ARHGEF7: variants seen among roughly 807,000 people sequenced by gnomAD.
ARHGEF7 encodes the protein PAK-interacting exchange factor beta.
In ARHGEF7, 33 loss-of-function variants were observed where a neutral mutation model predicts 109.8. The observed-to-expected ratio is 0.30, with a 90% CI of 0.23 to 0.40. The LOEUF (loss-of-function observed/expected upper bound fraction) is 0.40. ARHGEF7 is among the 10% of genes least tolerant of loss of function. ARHGEF7 has a pLI of 1.00. For missense variants in ARHGEF7, 938 were observed against 1,098.5 expected (o/e 0.85, Z 2.07); for synonymous variants, 458 against 424.6 (o/e 1.08, Z -0.97).
intron 2 of ARHGEF7, chr13:111,182,538 G>C (rs982972540): frequency 6.6e-6 from 1 of 152,320 alleles, no homozygotes; most frequent in African/African-American, 2.4e-5. Context: ...ATGGTGTCAT[G>C]CCCAGGGGTG....
chr13:111,197,239 A>G (rs1287884348), intron 2 of ARHGEF7, among the ~76,000 whole-genome samples: 1 of 151,662 alleles, frequency 6.6e-6, no homozygotes, highest in Non-Finnish European at 1.5e-5. Context: ...ACGCAGCAGC[A>G]GAAACACCTC....
intron 2 of ARHGEF7, among the ~76,000 whole-genome samples, chr13:111,200,984 G>A (rs1340654401): frequency 6.6e-6 from 1 of 152,048 alleles, no homozygotes; most frequent in Non-Finnish European, 1.5e-5. Flanking sequence ...GGCTCGGGGG[G>A]GATTTCCCTC....
intron 19 of ARHGEF7, among the ~76,000 whole-genome samples, chr13:111,297,460 T>G (rs1395158301): frequency 6.6e-6 from 1 of 152,246 alleles, no homozygotes; most frequent in African/African-American, 2.4e-5. Flanking sequence ...GCACATACAG[T>G]AACCGTACCA....
At position 111,163,361 on chromosome 13, in the gene ARHGEF7, T is replaced by C. The variant is rs930703969; in HGVS notation, c.252+9370T>C. ...TGTCTTGCTGGGTGAACATGAAGTG[T>C]TCTGGTTATCCAGGCTGCTTTTCTA... is the stretch of plus-strand genomic sequence containing the variant. On this transcript the variant is annotated intron_variant, in intron 2 of 21. Transcript: ENST00000646102. 2.0e-5 allele frequency among the ~76,000 whole-genome samples: 3 copies of C among 152,278 alleles called. No individual in the cohort carries two copies. The South Asian group carries it at 6.2e-4, about 32-fold the overall frequency.
chr13:111,223,398 G>T (rs558551244), intron 5 of ARHGEF7, among the ~76,000 whole-genome samples: 4 of 152,168 alleles, frequency 2.6e-5, no homozygotes, highest in Non-Finnish European at 5.9e-5. Context: ...TTAAATTGAG[G>T]GTTTCTCTTC....
intron 2 of ARHGEF7, chr13:111,182,769 C>T (rs977596098): frequency 1.3e-5 from 2 of 152,208 alleles, no homozygotes; most frequent in African/African-American, 4.8e-5. Flanking sequence ...AGATATGGTT[C>T]GTCATCTCCA....
rs60360741 is a variant in ARHGEF7 at position 111,239,975 on chromosome 13, C to T, written c.760-3897C>T. On this transcript the variant is annotated intron_variant, in intron 6 of 21. Transcript: ENST00000646102. The surrounding 1 kb of genome is among the most constrained non-coding windows in gnomAD (Gnocchi z 4.3). Reference sequence around the variant, plus strand: ...AAGACTCTACATTGGGCTGGAAGGTCGAAGGGTGACTGGCTAGATGCCTTC... The same window carrying T: ...AAGACTCTACATTGGGCTGGAAGGTTGAAGGGTGACTGGCTAGATGCCTTC... 0.01 allele frequency among the ~76,000 whole-genome samples: 1,557 copies of T among 152,190 alleles called. 15 individuals are homozygous for T. Among genetic ancestry groups the T allele is most frequent in the Non-Finnish European group, 0.014 (947 of 68,018 alleles).
intron 8 of ARHGEF7, chr13:111,265,672 T>C (rs2091563701): frequency 2.2e-6 from 1 of 456,462 alleles, no homozygotes. Flanking sequence ...CCAGATCATC[T>C]GTTACTACAG....
intron 6 of ARHGEF7, 41 bp from the exon 7 acceptor site, chr13:111,243,831 A>C (rs760587453): frequency 1.5e-6 from 2 of 1,315,804 alleles, no homozygotes; most frequent in South Asian, 2.5e-5. Flanking sequence ...GTCAAATAGC[A>C]ATTGAAATGT....
chr13:111,235,562 T>A (rs533723623), intron 6 of ARHGEF7, among the ~76,000 whole-genome samples: 1 of 152,360 alleles, frequency 6.6e-6, no homozygotes, highest in Admixed American at 6.5e-5. Flanking sequence ...AAAATTACAG[T>A]TGTTATAGAA....
intron 5 of ARHGEF7, among the ~76,000 whole-genome samples, chr13:111,223,698 G>C (rs935173876): frequency 6.6e-6 from 1 of 152,126 alleles, no homozygotes; most frequent in African/African-American, 2.4e-5. Context: ...AAATGTTCTA[G>C]GATTCTGTAA....
intron 2 of ARHGEF7, among the ~76,000 whole-genome samples, chr13:111,189,859 G>A (rs1276774083): frequency 6.6e-6 from 1 of 152,136 alleles, no homozygotes; most frequent in African/African-American, 2.4e-5. Context: ...AGTGCTTATT[G>A]GTGTGTTTAC....
At chr13:111,218,866 A>T (rs1274177572) in intron 5 of ARHGEF7, among the ~76,000 whole-genome samples, 1 of 152,192 alleles carries the variant, frequency 6.6e-6, no homozygotes, top group Non-Finnish European at 1.5e-5. Flanking sequence ...AGATTTACAA[A>T]TGGGAATATG....
At chr13:111,265,917 G>A (rs2091590749) in intron 8 of ARHGEF7, among the ~76,000 whole-genome samples, 1 of 152,180 alleles carries the variant, frequency 6.6e-6, no homozygotes, top group African/African-American at 2.4e-5. Flanking sequence ...CCCAGTCCGC[G>A]GTGTTCTGTT....
chr13:111,165,156 T>C (rs1481080740), intron 2 of ARHGEF7, among the ~76,000 whole-genome samples: 1 of 152,178 alleles, frequency 6.6e-6, no homozygotes, highest in African/African-American at 2.4e-5. Context: ...AGCCAGAGGA[T>C]GGGCACTGGG....
At chr13:111,150,878 TTAA>T (rs2075854059) in intron 1 of ARHGEF7, among the ~76,000 whole-genome samples, 1 of 152,210 alleles carries the variant, frequency 6.6e-6, no homozygotes, top group African/African-American at 2.4e-5. Flanking sequence ...TTATCCAAAA[TTAA>T]TAAGACCCAG....
rs147769518 is a variant in ARHGEF7 at position 111,217,890 on chromosome 13, C to G, written c.670+10C>G. Reference sequence around the variant, plus strand: ...GAGGTCAAGGCCAGCGGTAAGTGGCCGAGCCTGGGCTGTGTGTGGCTTTTT... The same window carrying G: ...GAGGTCAAGGCCAGCGGTAAGTGGCGGAGCCTGGGCTGTGTGTGGCTTTTT... On this transcript the variant is annotated intron_variant, in intron 5 of 21. Transcript: ENST00000646102. 1 of 1,599,658 alleles carries G rather than the reference C, an allele frequency of 6.3e-7. No individual in the cohort carries two copies.
chr13:111,224,222 C>A (rs2084885530), intron 5 of ARHGEF7, among the ~76,000 whole-genome samples: 2 of 131,550 alleles, frequency 1.5e-5, no homozygotes, highest in Admixed American at 1.9e-4. Flanking sequence ...CTCACTCTTA[C>A]TCCCTTGCTT....
At chr13:111,143,854 TA>T (rs1291880226) in intron 1 of ARHGEF7, 2 of 152,240 alleles carry the variant, frequency 1.3e-5, no homozygotes, top group Non-Finnish European at 2.9e-5. Flanking sequence ...ATTCAACAAT[TA>T]AGATACAACT....
Sources: gnomAD v4.1 joint callset for allele counts (sites outside exome capture counted in the v4.1 genomes callset) on GRCh38, gnomAD v4.1.1 for gene constraint, Gnocchi (gnomAD v3.1) non-coding constraint, MANE v1.5 for transcripts, NCBI Gene and HGNC (gene_info 2026-07-23, HGNC 2026-07-21) for gene names.